The following RGS6 variants were observed in gnomAD, a reference collection of about 807,000 sequenced individuals.
RGS6 encodes the protein regulator of G protein signaling 6.
RGS6 carries 30 observed loss-of-function variants against 78.5 expected under a neutral mutation model. The ratio of observed to expected loss-of-function variants is 0.38; its 90% CI spans 0.29 to 0.52. RGS6 has a LOEUF of 0.52. RGS6 is among the 20% of genes least tolerant of loss of function. The probability of loss-of-function intolerance (pLI) is 0.85; values close to 1 mark genes in which losing one functional copy is unlikely to be tolerated. For missense variants in RGS6, 495 were observed against 609.7 expected (o/e 0.81, Z 1.98); for synonymous variants, 206 against 206.0 (o/e 1.00, Z 0.00).
At chr14:72,557,218 T>TAGAG (rs1337034432) in intron 17 of RGS6, among the ~76,000 whole-genome samples, 8 of 149,854 alleles carry the variant, frequency 5.3e-5, no homozygotes, top group African/African-American at 2.0e-4. Flanking sequence ...TGATAAGAAA[T>TAGAG]AGAGAATTTA....
intron 6 of RGS6, among the ~76,000 whole-genome samples, chr14:72,464,950 A>T (rs924905426): frequency 6.6e-6 from 1 of 152,206 alleles, no homozygotes; most frequent in Non-Finnish European, 1.5e-5. Flanking sequence ...ACAGTCTAGT[A>T]AATACAGGAT....
intron 17 of RGS6, among the ~76,000 whole-genome samples, chr14:72,558,300 T>C (rs142665086): frequency 1.3e-5 from 2 of 152,272 alleles, no homozygotes; most frequent in African/African-American, 4.8e-5. Flanking sequence ...TCTCTTAGCA[T>C]TGAAAAAGAT....
intron 2 of RGS6, among the ~76,000 whole-genome samples, chr14:72,340,308 G>A (rs2076755739): frequency 6.6e-6 from 1 of 152,142 alleles, no homozygotes; most frequent in Non-Finnish European, 1.5e-5. Flanking sequence ...AGAAGAAAAT[G>A]CCTGGGGAAG....
chr14:71,979,100 G>A (rs562383484), intron 2 of RGS6, among the ~76,000 whole-genome samples: 196 of 149,978 alleles, frequency 1.3e-3, no homozygotes, highest in African/African-American at 3.5e-3. Context: ...CTGTGGGATC[G>A]GTGGTGATAT....
chr14:72,419,126 T>C (rs1271583701), intron 3 of RGS6, among the ~76,000 whole-genome samples: 1 of 152,234 alleles, frequency 6.6e-6, no homozygotes, highest in Non-Finnish European at 1.5e-5. Flanking sequence ...GGGGATATTT[T>C]GTTCTTACCA....
intron 2 of RGS6, among the ~76,000 whole-genome samples, chr14:72,311,038 A>G (rs542284236): frequency 6.6e-6 from 1 of 152,226 alleles, no homozygotes; most frequent in Non-Finnish European, 1.5e-5. Flanking sequence ...AGAATACAGA[A>G]AGGGAGGGAA....
At chr14:71,949,106 T>C (rs1397629559) in intron 1 of RGS6, among the ~76,000 whole-genome samples, 1 of 152,082 alleles carries the variant, frequency 6.6e-6, no homozygotes, top group Non-Finnish European at 1.5e-5. Context: ...GTTAGACATA[T>C]GAATAGTGCT....
chr14:72,193,174 A>G (rs2097350184), intron 2 of RGS6, among the ~76,000 whole-genome samples: 1 of 151,966 alleles, frequency 6.6e-6, no homozygotes, highest in African/African-American at 2.4e-5. Flanking sequence ...TTGTGTTTTT[A>G]GTAGAGGTGG....
intron 3 of RGS6, among the ~76,000 whole-genome samples, chr14:72,443,192 G>A (rs1381758126): frequency 6.6e-6 from 1 of 152,194 alleles, no homozygotes; most frequent in African/African-American, 2.4e-5. Context: ...ACTGCTAAAT[G>A]TCTTTACCTA....
chr14:71,919,214 G>C, the RGS6 span, among the ~76,000 whole-genome samples: 1 of 152,154 alleles, frequency 6.6e-6, no homozygotes, highest in Non-Finnish European at 1.5e-5. Flanking sequence ...GCAGAGGCTG[G>C]TTCTCCCTTT....
chr14:71,904,884 G>A, the RGS6 span, among the ~76,000 whole-genome samples: 1 of 150,034 alleles, frequency 6.7e-6, no homozygotes, highest in Non-Finnish European at 1.5e-5. Context: ...AGTGCATACT[G>A]GACTCCATTA....
intron 2 of RGS6, among the ~76,000 whole-genome samples, chr14:72,078,710 G>A (rs770289087): frequency 2.0e-5 from 3 of 152,092 alleles, no homozygotes; most frequent in Admixed American, 6.6e-5. Context: ...GAGCCACTGC[G>A]CCCGGCCAGG....
intron 17 of RGS6, among the ~76,000 whole-genome samples, chr14:72,562,033 C>T (rs1003060686): frequency 6.6e-6 from 1 of 152,226 alleles, no homozygotes; most frequent in Admixed American, 6.5e-5. Context: ...TCTCAGAACA[C>T]CCCAAGTCCA....
At chr14:72,457,421 T>C (rs1288731689) in intron 4 of RGS6, among the ~76,000 whole-genome samples, 3 of 152,240 alleles carry the variant, frequency 2.0e-5, no homozygotes, top group African/African-American at 4.8e-5. Flanking sequence ...CATTGAGGTT[T>C]GTTATTTTTT....
intron 2 of RGS6, among the ~76,000 whole-genome samples, chr14:72,144,974 A>G (rs896859800): frequency 1.8e-4 from 27 of 152,062 alleles, no homozygotes; most frequent in African/African-American, 6.5e-4. Context: ...TCAGGAAGCG[A>G]GGAGTGATGA....
At chr14:72,291,494 T>C (rs888139813) in intron 2 of RGS6, among the ~76,000 whole-genome samples, 1 of 152,216 alleles carries the variant, frequency 6.6e-6, no homozygotes, top group Non-Finnish European at 1.5e-5. Context: ...ATGGCTTTAC[T>C]CCCTGCTGAA....
chr14:71,905,533 C>T, the RGS6 span, among the ~76,000 whole-genome samples: 1 of 152,158 alleles, frequency 6.6e-6, no homozygotes, highest in African/African-American at 2.4e-5. Context: ...CTCTGTCACT[C>T]AGGCTGGAGT....
chr14:71,910,193 A>G, the RGS6 span, among the ~76,000 whole-genome samples: 3 of 81,076 alleles, frequency 3.7e-5, no homozygotes, highest in Non-Finnish European at 7.8e-5. Flanking sequence ...CTGTCTTAAA[A>G]CAAAAACAAA....
chr14:72,268,400 A>G (rs1308607164), intron 2 of RGS6, among the ~76,000 whole-genome samples: 4 of 152,124 alleles, frequency 2.6e-5, no homozygotes. Flanking sequence ...CAACTTTTGA[A>G]TGAAAACCTC....
Sources: allele counts gnomAD v4.1 joint callset (sites outside exome capture counted in the v4.1 genomes callset), GRCh38; gene constraint gnomAD v4.1.1; transcripts MANE v1.5; gene names NCBI Gene and HGNC (gene_info 2026-07-23, HGNC 2026-07-21).